DSTN: variants seen among roughly 807,000 people sequenced by gnomAD.
DSTN encodes destrin, actin depolymerizing factor.
A neutral mutation model predicts 16.8 loss-of-function variants in DSTN; 10 were observed. The observed-to-expected ratio is 0.60, with a 90% CI of 0.37 to 1.01. The LOEUF (loss-of-function observed/expected upper bound fraction) is 1.01. DSTN is among the 50% of genes least tolerant of loss of function. The pLI, the probability that DSTN is intolerant of heterozygous loss-of-function variation, is 0.01. For missense variants in DSTN, 141 were observed against 196.7 expected (o/e 0.72, Z 1.69); for synonymous variants, 57 against 58.9 (o/e 0.97, Z 0.14).
chr20:17,581,989 A>G (rs770800826), intron 1 of DSTN, among the ~76,000 whole-genome samples: 6 of 152,136 alleles, frequency 3.9e-5, no homozygotes, highest in Non-Finnish European at 8.8e-5. Context: ...GTAATTATTA[A>G]CTACCTTCTA....
chr20:17,578,321 T>C (rs541661529), intron 1 of DSTN, among the ~76,000 whole-genome samples: 1 of 152,362 alleles, frequency 6.6e-6, no homozygotes, highest in African/African-American at 2.4e-5. Context: ...TTCTTAATTA[T>C]GACAAAGGAC....
At chr20:17,606,643 T>C (rs1219298749) in intron 3 of DSTN, among the ~76,000 whole-genome samples, 1 of 152,244 alleles carries the variant, frequency 6.6e-6, no homozygotes, top group Non-Finnish European at 1.5e-5. Context: ...AATGGTTATT[T>C]CTTAATCTAA....
chr20:17,604,431 A>G (rs936775446), intron 2 of DSTN, 124 bp from the exon 3 acceptor site: 67 of 986,790 alleles, frequency 6.8e-5, no homozygotes, highest in Non-Finnish European at 9.5e-5. Flanking sequence ...TGTGCAGTTA[A>G]GAAAAAATAT....
In DSTN at chr20:17,607,288, A is replaced by G. The variant is rs11907325; in HGVS notation, c.*142A>G. On this transcript the variant is annotated 3_prime_UTR_variant, in exon 4 of 4. Coordinates refer to ENST00000246069, the MANE Select transcript of DSTN (RefSeq NM_006870.4). The stretch of plus-strand genomic sequence containing the variant: ...TTAGAGTAAACTATTCTATAAACAT[A>G]TGCAAACAGCCCTAAATAAATCTAA... 20,668 of 602,512 alleles carry G rather than the reference A, an allele frequency of 0.034. 535 individuals carry two copies. The highest frequency in any genetic ancestry group is 0.092 in the African/African-American group (4,897 of 52,942). The allele number at this position is 602,512 out of a possible 1,614,324, so 37.3% of individuals were successfully genotyped here.
At chr20:17,571,132 CTAAT>C (rs1026260192) in intron 1 of DSTN, among the ~76,000 whole-genome samples, 10 of 152,216 alleles carry the variant, frequency 6.6e-5, no homozygotes, top group African/African-American at 1.4e-4. Context: ...CACTGTCACT[CTAAT>C]TAGCTATTTA....
At chr20:17,598,021 A>G (rs1305396145) in intron 1 of DSTN, among the ~76,000 whole-genome samples, 1 of 152,114 alleles carries the variant, frequency 6.6e-6, no homozygotes, top group African/African-American at 2.4e-5. Flanking sequence ...ATGTATCAGT[A>G]CCTCATTTTT....
rs994931035 is a variant in DSTN, at chr20:17,609,159, T to C, written c.*2013T>C. 1.3e-5 allele frequency: 2 copies of C among 152,248 alleles called. No homozygotes were observed. Among genetic ancestry groups the C allele is most frequent in the African/African-American group, 4.8e-5 (2 of 41,468 alleles). The allele number at this position is 152,248 out of a possible 1,614,324, so 9.4% of individuals were successfully genotyped here. ...AGAAAATAGTGCTGGCTGCTTGTCA[T>C]TCATCCTGAATTGCTTGTTTCTTTA... On this transcript the variant is annotated 3_prime_UTR_variant, in exon 4 of 4. Transcript: ENST00000246069.
chr20:17,605,948 CA>C (rs376339085), intron 3 of DSTN, among the ~76,000 whole-genome samples: 6,968 of 146,818 alleles, frequency 0.047, 446 homozygotes, highest in African/African-American at 0.15. Context: ...ACTAAAAATA[CA>C]AAAAAAAAAT....
At chr20:17,601,563 A>G (rs1193751725) in intron 2 of DSTN, among the ~76,000 whole-genome samples, 1 of 152,160 alleles carries the variant, frequency 6.6e-6, no homozygotes, top group Non-Finnish European at 1.5e-5. Context: ...AAATTATTTA[A>G]AATTAAAAAT....
intron 1 of DSTN, among the ~76,000 whole-genome samples, chr20:17,574,169 A>G (rs1385609506): frequency 6.6e-6 from 1 of 152,140 alleles, no homozygotes; most frequent in Admixed American, 6.5e-5. Flanking sequence ...GTACTACTGC[A>G]CTCCAGCCTG....
intron 1 of DSTN, among the ~76,000 whole-genome samples, chr20:17,577,927 A>G (rs761514273): frequency 6.6e-6 from 1 of 152,214 alleles, no homozygotes; most frequent in Admixed American, 6.5e-5. Flanking sequence ...GATAAGAATA[A>G]ATTTTTAGAA....
Position 17,570,198 on chromosome 20 carries a change from C to T in DSTN, c.-11C>T. The T allele has an allele frequency of 6.6e-7, 1 of 1,520,078 alleles. No homozygotes were observed. The highest frequency in any genetic ancestry group is 8.8e-7 in the Non-Finnish European group (1 of 1,137,772). 94.2% of individuals were successfully genotyped at this position (1,520,078 alleles called of 1,614,324 possible). ...TCCCTCCCCCGCGTCCCTGCGACCG[C>T]CGCGGCGAAGATGGTGAGTAGGAGG... On this transcript the variant is annotated 5_prime_UTR_variant, in exon 1 of 4. Coordinates refer to ENST00000246069, the MANE Select transcript of DSTN (RefSeq NM_006870.4).
chr20:17,573,944 C>T (rs1228399043), intron 1 of DSTN, among the ~76,000 whole-genome samples: 1 of 149,202 alleles, frequency 6.7e-6, no homozygotes, highest in African/African-American at 2.5e-5. Context: ...CTATACCTGT[C>T]ATCCCAGCAC....
intron 1 of DSTN, among the ~76,000 whole-genome samples, chr20:17,584,823 GCTT>G (rs1044077790): frequency 7.9e-5 from 12 of 152,006 alleles, no homozygotes; most frequent in Admixed American, 1.3e-4. Flanking sequence ...TTTATATCCA[GCTT>G]CTTCATTCAC....
At chr20:17,570,998 T>A (rs1007982531) in intron 1 of DSTN, among the ~76,000 whole-genome samples, 8 of 152,200 alleles carry the variant, frequency 5.3e-5, no homozygotes, top group Non-Finnish European at 1.2e-4. Context: ...GGGATGCTGA[T>A]ACAACCAAAT....
chr20:17,579,704 A>G (rs777871421), intron 1 of DSTN, among the ~76,000 whole-genome samples: 3 of 152,242 alleles, frequency 2.0e-5, no homozygotes, highest in Non-Finnish European at 4.4e-5. Context: ...TTGCTATCCA[A>G]GTGGAAGAAG....
At chr20:17,589,725 CA>C (rs1461079348) in intron 1 of DSTN, among the ~76,000 whole-genome samples, 1 of 152,152 alleles carries the variant, frequency 6.6e-6, no homozygotes, top group Non-Finnish European at 1.5e-5. Flanking sequence ...ATCGTGAACC[CA>C]GTTTTTAACT....
At chr20:17,590,516 C>CA (rs1600706613) in intron 1 of DSTN, among the ~76,000 whole-genome samples, 1 of 152,160 alleles carries the variant, frequency 6.6e-6, no homozygotes, top group East Asian at 1.9e-4. Context: ...CTCCAGTGGT[C>CA]ACTGGTACAT....
chr20:17,576,401 A>C (rs1329512703), intron 1 of DSTN: 1 of 160,996 alleles, frequency 6.2e-6, no homozygotes, highest in East Asian at 1.9e-4. Flanking sequence ...AGGGATGCAC[A>C]TGGAGTGGTG....
Sources: gnomAD v4.1 joint callset for allele counts (sites outside exome capture counted in the v4.1 genomes callset) on GRCh38, gnomAD v4.1.1 for gene constraint, MANE v1.5 for transcripts, NCBI Gene and HGNC (gene_info 2026-07-23, HGNC 2026-07-21) for gene names.